The following CLASP1 variants were observed in gnomAD, a reference collection of about 807,000 sequenced individuals.
The protein encoded by CLASP1 is cytoplasmic linker associated protein 1.
In CLASP1, 38 loss-of-function variants were observed where a neutral mutation model predicts 192.3. The ratio of observed to expected loss-of-function variants is 0.20; its 90% CI spans 0.15 to 0.26. The LOEUF is 0.26. CLASP1 is among the 10% of genes least tolerant of loss of function. The probability of loss-of-function intolerance (pLI) is 1.00; values close to 1 mark genes in which losing one functional copy is unlikely to be tolerated. For missense variants in CLASP1, 1,433 were observed against 1,932.5 expected (o/e 0.74, Z 4.85); for synonymous variants, 691 against 712.8 (o/e 0.97, Z 0.49).
chr2:121,510,414 A>G lies in CLASP1; in HGVS notation c.644+5251T>C, dbSNP rs181417541. 1.3e-3 allele frequency among the ~76,000 whole-genome samples: 191 copies of G among 152,360 alleles called. 3 individuals carry two copies. Among genetic ancestry groups the G allele is most frequent in the Admixed American group, 0.012 (191 of 15,308 alleles). ...GGATTACAGGGGAATTCTATGAACAATTATATGCCAACAATTAGATAACCA... is the reference window on the plus strand; with the variant it reads ...GGATTACAGGGGAATTCTATGAACAGTTATATGCCAACAATTAGATAACCA... On this transcript the variant is annotated intron_variant, in intron 7 of 39. Transcript: ENST00000263710.
At chr2:121,397,016 A>C in intron 30 of CLASP1, 124 bp downstream of exon 31, 1 of 867,342 alleles carries the variant, frequency 1.2e-6, no homozygotes. Context: ...AGAAAAGGGC[A>C]ACAGCAGAGC....
chr2:121,473,281 T>A (rs565505005), intron 8 of CLASP1, among the ~76,000 whole-genome samples: 2 of 152,256 alleles, frequency 1.3e-5, no homozygotes, highest in Admixed American at 6.5e-5. Context: ...CCAATGGAAC[T>A]TACAGATTTT....
At chr2:121,610,352 A>G (rs1262931084) in intron 1 of CLASP1, among the ~76,000 whole-genome samples, 2 of 149,966 alleles carry the variant, frequency 1.3e-5, no homozygotes, top group African/African-American at 4.9e-5. Flanking sequence ...GAGGAGCTGG[A>G]GGAGGAGGAA....
At chr2:121,528,004 A>G (rs1338226958) in intron 4 of CLASP1, 114 bp from the exon 5 acceptor site, 2 of 694,430 alleles carry the variant, frequency 2.9e-6, no homozygotes, top group Non-Finnish European at 5.1e-6. Context: ...CCCATCCTCT[A>G]CCAACACATT....
chr2:121,531,122 AAGTAAAGTT>A (rs1470137354), intron 2 of CLASP1: 1 of 629,332 alleles, frequency 1.6e-6, no homozygotes, highest in Non-Finnish European at 2.9e-6. Context: ...TTAGTGTCGC[AAGTAAAGTT>A]CTTTCAGTTT....
At chr2:121,551,240 C>T (rs1308824288) in intron 2 of CLASP1, among the ~76,000 whole-genome samples, 6 of 152,150 alleles carry the variant, frequency 3.9e-5, no homozygotes, top group Non-Finnish European at 7.4e-5. Context: ...GCACAGCCAA[C>T]ACCATACTGA....
At chr2:121,438,162 T>G (rs984024101) in intron 19 of CLASP1, among the ~76,000 whole-genome samples, 19 of 152,164 alleles carry the variant, frequency 1.2e-4, no homozygotes, top group African/African-American at 4.3e-4. Flanking sequence ...GATTTGAGAG[T>G]AGCTTCCTCT....
chr2:121,644,636 C>T (rs991937932), intron 1 of CLASP1, among the ~76,000 whole-genome samples: 4 of 152,096 alleles, frequency 2.6e-5, no homozygotes, highest in Non-Finnish European at 5.9e-5. Context: ...GCCTTGGTGA[C>T]AGAGCAAGAC....
At position 121,417,743 on chromosome 2, in the gene CLASP1, A is replaced by G. The variant is rs547231806; in HGVS notation, c.2320+879T>C. Reference sequence around the variant, plus strand: ...CGACACTGATTAGGGAAAAAAGATCAGAAGAAGTGAATAACATTAGAAGGG... The same window carrying G: ...CGACACTGATTAGGGAAAAAAGATCGGAAGAAGTGAATAACATTAGAAGGG... On this transcript the variant is annotated intron_variant, in intron 23 of 39. Coordinates refer to ENST00000263710, the Ensembl canonical transcript of CLASP1. Among the ~76,000 whole-genome samples the G allele has an allele frequency of 1.3e-4, 20 of 152,368 alleles. No homozygotes were observed. The South Asian group carries it at 4.1e-3, about 32-fold the overall frequency.
intron 8 of CLASP1, among the ~76,000 whole-genome samples, chr2:121,495,045 G>A (rs1379756081): frequency 1.4e-5 from 2 of 145,954 alleles, no homozygotes; most frequent in Non-Finnish European, 1.5e-5. Flanking sequence ...TAAATAGGCC[G>A]GGCACGGAGG....
At position 121,500,388 on chromosome 2, in the gene CLASP1, GAAAGAA is replaced by G. The variant is rs1353696214; in HGVS notation, c.712+2773_712+2778del. Among the ~76,000 whole-genome samples, 9 of 112,044 alleles carry G rather than the reference GAAAGAA, an allele frequency of 8.0e-5. No individual in the cohort carries two copies. In the East Asian group the frequency reaches 1.5e-3, roughly 18 times the overall value. 73.5% of individuals were successfully genotyped at this position (112,044 alleles called of 152,430 possible). A position where few individuals can be genotyped will look rare whatever the true frequency, so the allele number is the denominator to read the frequency against. ...AGAAAGAAAGAAAGAAAGAAAGAAAGAAAGAAAGAAAAGAAAGAAAGAAAGAAAAAA... is the reference window on the plus strand; with the variant it reads ...AGAAAGAAAGAAAGAAAGAAAGAAAGAGAAAAGAAAGAAAGAAAGAAAAAA... On this transcript the variant is annotated intron_variant, in intron 8 of 39. Transcript: ENST00000263710.
At chr2:121,437,166 A>T (rs1025056088) in intron 19 of CLASP1, among the ~76,000 whole-genome samples, 2 of 151,912 alleles carry the variant, frequency 1.3e-5, no homozygotes, top group African/African-American at 2.4e-5. Flanking sequence ...ATGGGGTCTC[A>T]CTATATTGCC....
intron 34 of CLASP1, among the ~76,000 whole-genome samples, chr2:121,375,924 C>CAA (rs2070005650): frequency 6.6e-6 from 1 of 152,162 alleles, no homozygotes; most frequent in African/African-American, 2.4e-5. Flanking sequence ...AGGCACTTAA[C>CAA]ATTCCTTGAA....
chr2:121,615,465 C>A (rs2066297419), intron 1 of CLASP1, among the ~76,000 whole-genome samples: 1 of 152,212 alleles, frequency 6.6e-6, no homozygotes, highest in Middle Eastern at 3.4e-3. Flanking sequence ...TTATTATTCT[C>A]ATTTTGAAGA....
intron 26 of CLASP1, among the ~76,000 whole-genome samples, chr2:121,402,829 C>G (rs1176147764): frequency 6.6e-6 from 1 of 152,078 alleles, no homozygotes; most frequent in Non-Finnish European, 1.5e-5. Flanking sequence ...ATCTATGTGG[C>G]CTTTAAGCTC....
intron 2 of CLASP1, among the ~76,000 whole-genome samples, chr2:121,601,620 C>A (rs2063797659): frequency 6.6e-6 from 1 of 152,122 alleles, no homozygotes; most frequent in Admixed American, 6.6e-5. Flanking sequence ...CACTCTCACC[C>A]TCTTTTTCAA....
intron 30 of CLASP1, among the ~76,000 whole-genome samples, chr2:121,389,917 C>T (rs2074051117): frequency 6.6e-6 from 1 of 152,092 alleles, no homozygotes; most frequent in Admixed American, 6.5e-5. Flanking sequence ...GGCTGGAGTG[C>T]AGTAGCTGTT....
chr2:121,356,909 G>A (rs1450441175), intron 37 of CLASP1, among the ~76,000 whole-genome samples: 1 of 151,914 alleles, frequency 6.6e-6, no homozygotes, highest in Non-Finnish European at 1.5e-5. Flanking sequence ...AGTGGAAAGA[G>A]GGGCTGGGAG....
At chr2:121,557,015 C>T (rs1231552358) in intron 2 of CLASP1, among the ~76,000 whole-genome samples, 2 of 152,194 alleles carry the variant, frequency 1.3e-5, no homozygotes, top group African/African-American at 4.8e-5. Context: ...GGGCAACTGT[C>T]TACAAAACTA....
Sources: gnomAD v4.1 joint callset for allele counts (sites outside exome capture counted in the v4.1 genomes callset) on GRCh38, gnomAD v4.1.1 for gene constraint, MANE v1.5 for transcripts, NCBI Gene and HGNC (gene_info 2026-07-23, HGNC 2026-07-21) for gene names.